HECW2: variants seen among roughly 807,000 people sequenced by gnomAD.
HECW2 encodes E3 ubiquitin-protein ligase HECW2.
A neutral mutation model predicts 175.2 loss-of-function variants in HECW2; 61 were observed. The observed-to-expected ratio is 0.35, with a 90% confidence interval of 0.28 to 0.43. HECW2 has a LOEUF of 0.43. HECW2 is among the 20% of genes least tolerant of loss of function. The pLI is 1.00. For synonymous variants in HECW2, 671 were observed against 731.0 expected (o/e 0.92, Z 1.32); for missense variants, 1,524 against 2,000.5 (o/e 0.76, Z 4.54).
chr2:196,581,683 T>C (rs534475464), intron 1 of HECW2, among the ~76,000 whole-genome samples: 6 of 152,324 alleles, frequency 3.9e-5, no homozygotes, highest in African/African-American at 7.2e-5. Flanking sequence ...ACTTCCAAGA[T>C]AGAAAATAAA....
intron 1 of HECW2, among the ~76,000 whole-genome samples, chr2:196,531,040 G>A (rs1013344817): frequency 6.6e-6 from 1 of 152,100 alleles, no homozygotes; most frequent in African/African-American, 2.4e-5. Context: ...TTAAGACTGG[G>A]TTCCATTTCC....
rs1367514348 is a variant in HECW2, at chr2:196,220,352, AT to A, written c.4294-200del. 2.0e-5 allele frequency among the ~76,000 whole-genome samples: 3 copies of A among 152,204 alleles called. No homozygotes were observed. The East Asian group carries it at 5.8e-4, about 29-fold the overall frequency. On this transcript the variant is annotated intron_variant, in intron 25 of 28. Transcript: ENST00000644978. The stretch of plus-strand genomic sequence containing the variant: ...GGTTGATGAGATTTGCCTTGACAGA[AT>A]TTTTGTTTTATAATTGATTGCTGAT...
At chr2:196,573,719 C>T (rs1437506976) in intron 1 of HECW2, among the ~76,000 whole-genome samples, 3 of 152,098 alleles carry the variant, frequency 2.0e-5, no homozygotes, top group African/African-American at 7.2e-5. Context: ...GCAATACCAG[C>T]TGTGGCAAAC....
chr2:196,494,807 G>A lies in HECW2; in HGVS notation c.-35-61349C>T, dbSNP rs552728704. 5.3e-5 allele frequency among the ~76,000 whole-genome samples: 8 copies of A among 152,230 alleles called. No individual in the cohort carries two copies. The South Asian group carries it at 1.5e-3, about 28-fold the overall frequency. On this transcript the variant is annotated intron_variant, in intron 1 of 28. Coordinates refer to ENST00000644978, the MANE Select transcript of HECW2 (RefSeq NM_001348768.2). ...GATCTTTATTGCCAGCTTCCCAGAC[G>A]CAAGGTATTCCACTGAGCATTTGAT... is the stretch of plus-strand genomic sequence containing the variant.
chr2:196,419,808 G>A (rs1695360446), intron 2 of HECW2, among the ~76,000 whole-genome samples: 1 of 152,110 alleles, frequency 6.6e-6, no homozygotes, highest in Non-Finnish European at 1.5e-5. Context: ...TTAAGAAATT[G>A]AAGCTCGGAA....
intron 1 of HECW2, among the ~76,000 whole-genome samples, chr2:196,447,348 C>T (rs538493493): frequency 6.9e-4 from 105 of 152,228 alleles, no homozygotes; most frequent in African/African-American, 2.4e-3. Flanking sequence ...CCCATTCAAC[C>T]ATTTCTCCCA....
chr2:196,423,423 G>A (rs1198046795), intron 2 of HECW2, among the ~76,000 whole-genome samples: 1 of 152,008 alleles, frequency 6.6e-6, no homozygotes, highest in African/African-American at 2.4e-5. Context: ...AATTGATAAC[G>A]TCAGAGCTTC....
At chr2:196,287,512 A>T (rs961812722) in intron 14 of HECW2, among the ~76,000 whole-genome samples, 1 of 152,242 alleles carries the variant, frequency 6.6e-6, no homozygotes, top group Non-Finnish European at 1.5e-5. Context: ...AGGGGGAAAT[A>T]GTCCGTATTT....
chr2:196,425,912 G>A (rs1229887193), intron 2 of HECW2, among the ~76,000 whole-genome samples: 1 of 152,084 alleles, frequency 6.6e-6, no homozygotes, highest in Non-Finnish European at 1.5e-5. Flanking sequence ...TAGCATTCAT[G>A]CTACAGAGAA....
intron 2 of HECW2, among the ~76,000 whole-genome samples, chr2:196,346,964 C>T (rs1029312618): frequency 9.6e-5 from 14 of 146,344 alleles, no homozygotes; most frequent in African/African-American, 3.3e-4. Context: ...GCCGAGATCA[C>T]GCCACCGTAC....
At chr2:196,287,316 G>T (rs1690429137) in intron 14 of HECW2, among the ~76,000 whole-genome samples, 1 of 152,140 alleles carries the variant, frequency 6.6e-6, no homozygotes, top group African/African-American at 2.4e-5. Context: ...CTATGGGAAA[G>T]ATATTTCACT....
intron 1 of HECW2, among the ~76,000 whole-genome samples, chr2:196,451,728 G>A (rs370396372): frequency 6.6e-5 from 10 of 151,972 alleles, no homozygotes; most frequent in East Asian, 5.8e-4. Context: ...GTGAAACCCC[G>A]TCTCTACTAA....
In HECW2 at chr2:196,195,239, A is replaced by G. The variant is rs957863837; in HGVS notation, c.*6038T>C. Reference sequence around the variant, plus strand: ...TCATCCATTCTTTTTTATGAAGGTGATAGTAACCAGAAGTTGACTGATGGT... The same window carrying G: ...TCATCCATTCTTTTTTATGAAGGTGGTAGTAACCAGAAGTTGACTGATGGT... On this transcript the variant is annotated 3_prime_UTR_variant, in exon 29 of 29. Transcript: ENST00000644978. 27 of 152,346 alleles carry G rather than the reference A, an allele frequency of 1.8e-4. No homozygotes were observed. Among genetic ancestry groups the G allele is most frequent in the African/African-American group, 6.5e-4 (27 of 41,584 alleles). The allele number at this position is 152,346 out of a possible 1,614,324, so 9.4% of individuals were successfully genotyped here. A position where few individuals can be genotyped will look rare whatever the true frequency, so the allele number is the denominator to read the frequency against.
At chr2:196,496,101 C>A (rs912706186) in intron 1 of HECW2, among the ~76,000 whole-genome samples, 1 of 152,036 alleles carries the variant, frequency 6.6e-6, no homozygotes, top group African/African-American at 2.4e-5. Flanking sequence ...CTTGACCACA[C>A]GAGTTTTCAA....
At chr2:196,246,461 T>C (rs976576382) in intron 19 of HECW2, among the ~76,000 whole-genome samples, 15 of 152,182 alleles carry the variant, frequency 9.9e-5, no homozygotes, top group African/African-American at 3.6e-4. Flanking sequence ...TCTCGGGCAC[T>C]GCAAGCTCCA....
chr2:196,344,887 A>G (rs1692896942), intron 2 of HECW2, among the ~76,000 whole-genome samples: 1 of 152,182 alleles, frequency 6.6e-6, no homozygotes, highest in Non-Finnish European at 1.5e-5. Context: ...TCCTGAGGAG[A>G]AAAACCTTTC....
At chr2:196,521,498 C>A (rs1688385178) in intron 1 of HECW2, among the ~76,000 whole-genome samples, 1 of 150,836 alleles carries the variant, frequency 6.6e-6, no homozygotes. Flanking sequence ...TTTTATTATT[C>A]TACTTTAAGT....
chr2:196,282,409 G>C (rs1690222201), intron 14 of HECW2, among the ~76,000 whole-genome samples: 1 of 152,196 alleles, frequency 6.6e-6, no homozygotes, highest in Admixed American at 6.5e-5. Flanking sequence ...CCAATGGCTT[G>C]TGACACAGCC....
chr2:196,431,086 T>C (rs1695698467), intron 2 of HECW2, among the ~76,000 whole-genome samples: 1 of 152,140 alleles, frequency 6.6e-6, no homozygotes, highest in South Asian at 2.1e-4. Context: ...AAAGACACAA[T>C]GATAACTTAC....
Sources: gnomAD v4.1 joint callset for allele counts (sites outside exome capture counted in the v4.1 genomes callset) on GRCh38, gnomAD v4.1.1 for gene constraint, MANE v1.5 for transcripts, NCBI Gene and HGNC (gene_info 2026-07-23, HGNC 2026-07-21) for gene names.